The following CLASP1 variants were observed in gnomAD, a reference collection of about 807,000 sequenced individuals.
CLASP1 encodes CLIP-associating protein 1.
In CLASP1, 38 loss-of-function variants were observed where a neutral mutation model predicts 192.3. The observed-to-expected ratio is 0.20, with a 90% CI of 0.15 to 0.26. CLASP1 has a LOEUF of 0.26. Ranked by LOEUF, CLASP1 falls within the 10% of genes least tolerant of loss-of-function variation. The pLI is 1.00. For missense variants in CLASP1, 1,433 were observed against 1,932.5 expected (o/e 0.74, Z 4.85); for synonymous variants, 691 against 712.8 (o/e 0.97, Z 0.49).
intron 2 of CLASP1, among the ~76,000 whole-genome samples, chr2:121,574,730 A>C (rs1405109362): frequency 5.3e-5 from 8 of 151,962 alleles, no homozygotes; most frequent in Admixed American, 4.6e-4. Flanking sequence ...CAAGGTCAGG[A>C]GTTCAAGACC....
chr2:121,367,779 C>T (rs748958721), exon 35 of CLASP1: 1 of 1,613,822 alleles, frequency 6.2e-7, no homozygotes, highest in Admixed American at 1.7e-5. Context: ...TTCTACTTCA[C>T]TACCCCCCCG....
At chr2:121,478,583 G>A (rs150319254) in intron 8 of CLASP1, among the ~76,000 whole-genome samples, 86 of 141,552 alleles carry the variant, frequency 6.1e-4, no homozygotes, top group Admixed American at 1.6e-3. Context: ...CCTAGGCGAT[G>A]GAGCCAGACT....
chr2:121,459,753 A>T, intron 12 of CLASP1: 1 of 367,918 alleles, frequency 2.7e-6, no homozygotes. Context: ...GTTTGAAATA[A>T]AGACTTCAGA....
At chr2:121,446,707 A>G (rs1216489744) in intron 19 of CLASP1, among the ~76,000 whole-genome samples, 2 of 152,238 alleles carry the variant, frequency 1.3e-5, no homozygotes, top group Non-Finnish European at 2.9e-5. Flanking sequence ...GTCAGATGCT[A>G]AAAGTTTTGG....
chr2:121,387,066 G>A (rs1157587669), intron 32 of CLASP1, 56 bp downstream of exon 33: 2 of 1,354,832 alleles, frequency 1.5e-6, no homozygotes, highest in Non-Finnish European at 2.1e-6. Flanking sequence ...AGGATGCACA[G>A]CAATTAAGGT....
At chr2:121,342,653 A>G (rs1345167629) in intron 39 of CLASP1, among the ~76,000 whole-genome samples, 1 of 152,220 alleles carries the variant, frequency 6.6e-6, no homozygotes, top group African/African-American at 2.4e-5. Context: ...ACAGAAAAAT[A>G]GAGAAAATTG....
chr2:121,439,755 T>C (rs2082952462), intron 19 of CLASP1, among the ~76,000 whole-genome samples: 1 of 151,258 alleles, frequency 6.6e-6, no homozygotes, highest in Admixed American at 6.6e-5. Context: ...TATGCAGCCA[T>C]AAAAAATGAT....
At chr2:121,591,554 A>T (rs1426843675) in intron 2 of CLASP1, among the ~76,000 whole-genome samples, 1 of 152,182 alleles carries the variant, frequency 6.6e-6, no homozygotes, top group African/African-American at 2.4e-5. Context: ...TTCCTATACT[A>T]CAGTGCTGCA....
At position 121,517,858 on chromosome 2, in the gene CLASP1, CTTTTTTTTTTTTTTTTT is replaced by C. The variant is rs70954553; in HGVS notation, c.547-2113_547-2097del. On this transcript the variant is annotated intron_variant, in intron 6 of 39. Transcript: ENST00000263710. Reference sequence around the variant, plus strand: ...CCTCAGAGACAAAGCAAGACTCAAGCTTTTTTTTTTTTTTTTTTTTTTTTTTTTTTTTTAGAAAAAGG... The same window carrying C: ...CCTCAGAGACAAAGCAAGACTCAAGCTTTTTTTTTTTTTTTTAGAAAAAGG... Among the ~76,000 whole-genome samples, 27 of 30,820 alleles carry C rather than the reference CTTTTTTTTTTTTTTTTT, an allele frequency of 8.8e-4. 1 individual carries two copies. The highest frequency in any genetic ancestry group is 4.6e-3 in the South Asian group (2 of 436). 20.2% of individuals were successfully genotyped at this position (30,820 alleles called of 152,430 possible).
intron 19 of CLASP1, among the ~76,000 whole-genome samples, chr2:121,433,191 G>C (rs911855720): frequency 1.3e-5 from 2 of 151,990 alleles, no homozygotes; most frequent in South Asian, 2.1e-4. Flanking sequence ...GCATGGTGGC[G>C]CATGTCTGTA....
intron 8 of CLASP1, among the ~76,000 whole-genome samples, chr2:121,488,995 T>C (rs1428939252): frequency 6.6e-6 from 1 of 152,190 alleles, no homozygotes; most frequent in East Asian, 1.9e-4. Flanking sequence ...GCTTTTAACA[T>C]GAAAAAGCTG....
At chr2:121,438,724 C>T (rs956755759) in intron 19 of CLASP1, among the ~76,000 whole-genome samples, 14 of 151,886 alleles carry the variant, frequency 9.2e-5, no homozygotes, top group Non-Finnish European at 1.3e-4. Context: ...CTGCTGGATT[C>T]GTTTTGCCAG....
At chr2:121,520,981 G>C (rs1169274929) in intron 6 of CLASP1, among the ~76,000 whole-genome samples, 1 of 152,190 alleles carries the variant, frequency 6.6e-6, no homozygotes, top group Non-Finnish European at 1.5e-5. Context: ...AACATGAGGG[G>C]AATCTGTGGG....
chr2:121,406,946 G>A (rs1016824119), intron 25 of CLASP1, among the ~76,000 whole-genome samples: 10 of 152,216 alleles, frequency 6.6e-5, no homozygotes, highest in Middle Eastern at 3.4e-3. Context: ...GGCTGGGCGC[G>A]GTGGCTCATG....
chr2:121,429,819 C>T (rs545907760), intron 20 of CLASP1, among the ~76,000 whole-genome samples: 3 of 152,084 alleles, frequency 2.0e-5, no homozygotes, highest in South Asian at 2.1e-4. Context: ...CAAAGGAGGG[C>T]GAAAAACTAC....
At chr2:121,547,399 T>C (rs925316093) in intron 2 of CLASP1, among the ~76,000 whole-genome samples, 72 of 133,274 alleles carry the variant, frequency 5.4e-4, no homozygotes, top group African/African-American at 1.7e-3. Context: ...CCCACCCCCC[T>C]ACTCTTCACC....
chr2:121,545,870 A>T (rs2095318482), intron 2 of CLASP1, among the ~76,000 whole-genome samples: 1 of 152,032 alleles, frequency 6.6e-6, no homozygotes, highest in Admixed American at 6.5e-5. Flanking sequence ...TAAAAAAAAA[A>T]GTGTCTCAGA....
chr2:121,500,960 C>G (rs1369065517), intron 8 of CLASP1, among the ~76,000 whole-genome samples: 1 of 152,166 alleles, frequency 6.6e-6, no homozygotes, highest in Non-Finnish European at 1.5e-5. Flanking sequence ...AATATTTATA[C>G]CTAGCCACTT....
At chr2:121,555,988 CTTTTTTTTTTTTT>C (rs34423741) in intron 2 of CLASP1, among the ~76,000 whole-genome samples, 3,373 of 42,614 alleles carry the variant, frequency 0.079, 84 homozygotes, top group Middle Eastern at 0.15. Flanking sequence ...CTACCCACCG[CTTTTTTTTTTTTT>C]TTTTTTTTTT....
Sources: allele counts gnomAD v4.1 joint callset (sites outside exome capture counted in the v4.1 genomes callset), GRCh38; gene constraint gnomAD v4.1.1; transcripts MANE v1.5; gene names NCBI Gene and HGNC (gene_info 2026-07-23, HGNC 2026-07-21).